MAML2: variants seen among roughly 807,000 people sequenced by gnomAD.
MAML2 encodes mastermind like transcriptional coactivator 2.
In MAML2, 22 loss-of-function variants were observed where a neutral mutation model predicts 96.1. The ratio of observed to expected loss-of-function variants is 0.23; its 90% CI spans 0.16 to 0.33. MAML2 has a LOEUF of 0.33. Among genes scored for constraint, MAML2 ranks in the 10% least tolerant of loss-of-function variants. The pLI, the probability that MAML2 is intolerant of heterozygous loss-of-function variation, is 1.00. For missense variants in MAML2, 1,367 were observed against 1,392.4 expected, an observed-to-expected ratio of 0.98 and a Z score of 0.29; for synonymous variants, 561 against 521.3, an observed-to-expected ratio of 1.08 and a Z score of -1.04.
intron 1 of MAML2, among the ~76,000 whole-genome samples, chr11:96,259,010 C>T (rs1306499198): frequency 6.6e-6 from 1 of 152,128 alleles, no homozygotes; most frequent in Admixed American, 6.5e-5. Flanking sequence ...TACGAAAACA[C>T]TAACTCTGTT....
chr11:96,051,879 C>G (rs1858995646), intron 2 of MAML2, among the ~76,000 whole-genome samples: 1 of 152,172 alleles, frequency 6.6e-6, no homozygotes, highest in Admixed American at 6.5e-5. Flanking sequence ...CCAACTTGAC[C>G]AGCTTCCTTG....
chr11:96,126,291 C>A (rs1356836391), intron 1 of MAML2, among the ~76,000 whole-genome samples: 1 of 152,146 alleles, frequency 6.6e-6, no homozygotes, highest in Admixed American at 6.5e-5. Context: ...GGTTTGGTGG[C>A]TCACTCCTGT....
intron 1 of MAML2, among the ~76,000 whole-genome samples, chr11:96,152,221 A>G (rs1860935405): frequency 6.6e-6 from 1 of 152,214 alleles, no homozygotes; most frequent in Admixed American, 6.5e-5. Flanking sequence ...GATTCTGTCT[A>G]AAAGAATAGG....
chr11:96,092,251 G>T lies in MAML2; in HGVS notation c.1780C>A (p.Gln594Lys). The change falls in exon 2 of 5, where the codon CAG (glutamine) becomes AAG (lysine). Residue 594 changes from glutamine (Q) to lysine (K), a missense_variant. Transcript: ENST00000524717. The surrounding 1 kb of genome is among the most constrained non-coding windows in gnomAD (Gnocchi z 4.1). ...TGCTGCTGCTGCTGCTGCTGCTGCT[G>T]TTGCTGCTGTTGCTGTTGGGTGTAG... ...LHYTQQQQQQ[Q>K]QQQQQQQQQQ... 2 of 1,549,834 alleles carry T rather than the reference G, an allele frequency of 1.3e-6. No individual in the cohort carries two copies. Among genetic ancestry groups the T allele is most frequent in the Non-Finnish European group, 1.7e-6 (2 of 1,145,868 alleles).
At chr11:96,151,416 G>A (rs1860919341) in intron 1 of MAML2, among the ~76,000 whole-genome samples, 1 of 152,214 alleles carries the variant, frequency 6.6e-6, no homozygotes, top group African/African-American at 2.4e-5. Flanking sequence ...TAATCCGAAA[G>A]CTCCTGAAGG....
At chr11:96,237,548 T>C (rs978535082) in intron 1 of MAML2, among the ~76,000 whole-genome samples, 3 of 152,238 alleles carry the variant, frequency 2.0e-5, no homozygotes, top group Non-Finnish European at 4.4e-5. Flanking sequence ...GTTTCCATAA[T>C]ATCTAAACAA....
chr11:96,130,169 G>A (rs1860522360), intron 1 of MAML2, among the ~76,000 whole-genome samples: 1 of 152,198 alleles, frequency 6.6e-6, no homozygotes, highest in Non-Finnish European at 1.5e-5. Context: ...CTGTGTGTGT[G>A]GGTGTTTGGC....
chr11:96,239,915 C>G (rs189511337), intron 1 of MAML2, among the ~76,000 whole-genome samples: 72 of 152,272 alleles, frequency 4.7e-4, no homozygotes, highest in African/African-American at 1.6e-3. Flanking sequence ...CTGGACTATT[C>G]CCATTGGCAA....
chr11:96,332,490 T>C (rs1863866923), intron 1 of MAML2, among the ~76,000 whole-genome samples: 1 of 152,210 alleles, frequency 6.6e-6, no homozygotes. Context: ...GAAGCTCTCT[T>C]TGGTGCAATG....
At chr11:96,155,844 G>A (rs913075700) in intron 1 of MAML2, among the ~76,000 whole-genome samples, 7 of 152,082 alleles carry the variant, frequency 4.6e-5, no homozygotes, top group Non-Finnish European at 8.8e-5. Flanking sequence ...AATGGCTGTC[G>A]CCTGATGTGT....
intron 2 of MAML2, among the ~76,000 whole-genome samples, chr11:96,058,375 A>G (rs1006443805): frequency 2.6e-5 from 4 of 152,174 alleles, no homozygotes; most frequent in Non-Finnish European, 4.4e-5. Context: ...GCTGGAGTGC[A>G]GTGGCCCGAT....
At chr11:96,231,364 C>T (rs957640168) in intron 1 of MAML2, among the ~76,000 whole-genome samples, 2 of 152,144 alleles carry the variant, frequency 1.3e-5, no homozygotes, top group African/African-American at 4.8e-5. Context: ...ACAGTAGATG[C>T]TAAATATGCT....
chr11:96,189,495 T>C (rs1861622584), intron 1 of MAML2, among the ~76,000 whole-genome samples: 1 of 152,224 alleles, frequency 6.6e-6, no homozygotes, highest in South Asian at 2.1e-4. Context: ...GAAAGAAAAG[T>C]AGTCTCTTAC....
At position 96,299,680 on chromosome 11, in the gene MAML2, C is replaced by T. The variant is rs112404066; in HGVS notation, c.513+41703G>A. On this transcript the variant is annotated intron_variant, in intron 1 of 4. Coordinates refer to ENST00000524717, the MANE Select transcript of MAML2 (RefSeq NM_032427.4). Reference sequence around the variant, plus strand: ...CTCTGGAGGGAGGACCACTTTGAGACGTGCTCCTCCTTACAGTTGTCCAAA... The same window carrying T: ...CTCTGGAGGGAGGACCACTTTGAGATGTGCTCCTCCTTACAGTTGTCCAAA... Among the ~76,000 whole-genome samples, 79 of 152,298 alleles carry T rather than the reference C, an allele frequency of 5.2e-4. 1 individual carries two copies. Among genetic ancestry groups the T allele is most frequent in the African/African-American group, 1.8e-3 (73 of 41,562 alleles).
At chr11:96,217,446 G>C (rs1213313534) in intron 1 of MAML2, among the ~76,000 whole-genome samples, 1 of 152,194 alleles carries the variant, frequency 6.6e-6, no homozygotes, top group African/African-American at 2.4e-5. Flanking sequence ...TAGACTCTAT[G>C]AGACACCATA....
At chr11:95,987,044 A>AT (rs1857839181) in intron 3 of MAML2, among the ~76,000 whole-genome samples, 1 of 152,198 alleles carries the variant, frequency 6.6e-6, no homozygotes, top group Non-Finnish European at 1.5e-5. Flanking sequence ...GTTAGAAAGA[A>AT]TCTGTCCTGA....
intron 1 of MAML2, among the ~76,000 whole-genome samples, chr11:96,176,690 G>T (rs1234826041): frequency 6.6e-6 from 1 of 152,134 alleles, no homozygotes; most frequent in East Asian, 1.9e-4. Context: ...GATAGGTGTT[G>T]GCAGTTATGG....
At chr11:96,038,502 C>T (rs746056699) in intron 2 of MAML2, among the ~76,000 whole-genome samples, 13 of 152,236 alleles carry the variant, frequency 8.5e-5, no homozygotes, top group Non-Finnish European at 1.5e-4. Flanking sequence ...ACTATTCAAT[C>T]GCTTAGAACT....
intron 1 of MAML2, among the ~76,000 whole-genome samples, chr11:96,153,685 G>A (rs1860963720): frequency 6.6e-6 from 1 of 152,080 alleles, no homozygotes; most frequent in Admixed American, 6.5e-5. Flanking sequence ...GCCAAGGTGG[G>A]TAGATCATGA....
Sources: gnomAD v4.1 joint callset for allele counts (sites outside exome capture counted in the v4.1 genomes callset) on GRCh38, gnomAD v4.1.1 for gene constraint, Gnocchi (gnomAD v3.1) non-coding constraint, MANE v1.5 for transcripts, NCBI Gene and HGNC (gene_info 2026-07-23, HGNC 2026-07-21) for gene names.